TRIM5: variants seen among roughly 807,000 people sequenced by gnomAD.
TRIM5 encodes tripartite motif-containing protein 5.
In TRIM5, 31 loss-of-function variants were observed where a neutral mutation model predicts 35.6. That is an observed-to-expected ratio of 0.87 (90% CI 0.65 to 1.18). The LOEUF (loss-of-function observed/expected upper bound fraction) is 1.18. TRIM5 is among the 50% of genes most tolerant of loss of function. The probability of loss-of-function intolerance (pLI) is 0.00; values close to 1 mark genes in which losing one functional copy is unlikely to be tolerated. For synonymous variants in TRIM5, 243 were observed against 215.6 expected (o/e 1.13, Z -1.11); for missense variants, 609 against 591.6 (o/e 1.03, Z -0.31).
chr11:5,627,950 TAGG>T, the TRIM5 span, among the ~76,000 whole-genome samples: 16 of 152,310 alleles, frequency 1.1e-4, no homozygotes, highest in East Asian at 3.9e-4. Context: ...GTCCAGATGT[TAGG>T]AGAAGACTCA....
intron 4 of TRIM5, among the ~76,000 whole-genome samples, chr11:5,674,726 T>C (rs1344639563): frequency 2.0e-5 from 3 of 152,252 alleles, no homozygotes; most frequent in African/African-American, 7.2e-5. Context: ...TTGGAACAAC[T>C]GGATAGCCAT....
At chr11:5,635,032 G>C in the TRIM5 span, among the ~76,000 whole-genome samples, 6 of 152,018 alleles carry the variant, frequency 3.9e-5, no homozygotes, top group African/African-American at 1.5e-4. Flanking sequence ...TATGAAGTAA[G>C]GGAATACATT....
chr11:5,617,061 G>A, the TRIM5 span, among the ~76,000 whole-genome samples: 3 of 137,240 alleles, frequency 2.2e-5, no homozygotes, highest in African/African-American at 8.1e-5. Flanking sequence ...TTAAATAAAT[G>A]CAAGCTTAGG....
At chr11:5,626,014 T>C in the TRIM5 span, among the ~76,000 whole-genome samples, 15 of 152,238 alleles carry the variant, frequency 9.9e-5, no homozygotes, top group African/African-American at 3.4e-4. Context: ...TGCACCTTGA[T>C]TGATATGTTA....
At chr11:5,636,921 T>C in the TRIM5 span, among the ~76,000 whole-genome samples, 1 of 152,092 alleles carries the variant, frequency 6.6e-6, no homozygotes, top group Non-Finnish European at 1.5e-5. Flanking sequence ...CCGAGGTGGG[T>C]GGATCACGAG....
chr11:5,604,402 T>C, the TRIM5 span: 1 of 945,838 alleles, frequency 1.1e-6, no homozygotes, highest in Non-Finnish European at 1.5e-6. Flanking sequence ...TTGTTGGCCC[T>C]CTCAAGTTTT....
chr11:5,675,573 C>T (rs373811076), intron 4 of TRIM5, among the ~76,000 whole-genome samples: 4 of 151,848 alleles, frequency 2.6e-5, no homozygotes, highest in Admixed American at 2.0e-4. Context: ...AATCTCTGCC[C>T]GAAACACTGA....
rs55868421 is a variant in TRIM5, at chr11:5,667,718, A to G, written c.745-7T>C. ...TTATGACGCCATCCACACCCTAGGA[A>G]GAAGAGAGAAAACATCAATTAAGAA... On this transcript the variant is annotated splice_region_variant and splice_polypyrimidine_tract_variant and intron_variant, in intron 4 of 7. Transcript: ENST00000380034. 10,081 of 1,612,794 alleles carry G rather than the reference A, an allele frequency of 6.3e-3. 55 individuals carry two copies. Among genetic ancestry groups the G allele is most frequent in the East Asian group, 0.017 (739 of 44,758 alleles).
At chr11:5,596,834 T>C in the TRIM5 span, 1 of 1,613,422 alleles carries the variant, frequency 6.2e-7, no homozygotes, top group Non-Finnish European at 8.5e-7. Context: ...CTTGGATTGC[T>C]CTGAAGAGCT....
rs1852293208 is a variant in TRIM5, at chr11:5,679,875, T to C, written c.303A>G (p.Lys101=). The change falls in exon 2 of 8, where the codon AAA becomes AAG. Residue 101 remains lysine, a synonymous_variant. Coordinates refer to ENST00000380034, the MANE Select transcript of TRIM5 (RefSeq NM_033034.3). ...KVDHCARHGE[K]LLLFCQEDGK... ...CGTCCTCCTGACAGAAGAGTAGAAG[T>C]TTCTCTCCATGGCGTGCACAATGAT... The C allele has an allele frequency of 6.2e-7, 1 of 1,613,660 alleles. No homozygotes were observed. Among genetic ancestry groups the C allele is most frequent in the Non-Finnish European group, 8.5e-7 (1 of 1,179,962 alleles).
intron 2 of TRIM5, among the ~76,000 whole-genome samples, 178 bp downstream of exon 2, chr11:5,679,583 G>A (rs1357400017): frequency 4.6e-5 from 7 of 152,030 alleles, no homozygotes; most frequent in Non-Finnish European, 1.5e-5. Context: ...TTATTCTCCT[G>A]TAATTGGGTG....
the TRIM5 span, among the ~76,000 whole-genome samples, chr11:5,614,569 T>C: frequency 6.6e-6 from 1 of 152,208 alleles, no homozygotes; most frequent in East Asian, 1.9e-4. Context: ...CCCTAAGTAA[T>C]CCTTTTTCCC....
the TRIM5 span, among the ~76,000 whole-genome samples, chr11:5,635,638 T>C: frequency 6.6e-6 from 1 of 152,274 alleles, no homozygotes; most frequent in Non-Finnish European, 1.5e-5. Flanking sequence ...AGACAGACAG[T>C]GCTCTCCTTT....
the TRIM5 span, among the ~76,000 whole-genome samples, chr11:5,653,487 G>GT: frequency 4.8e-3 from 667 of 140,268 alleles, 5 homozygotes; most frequent in African/African-American, 0.016. Flanking sequence ...ATTTTTTTTT[G>GT]TTTTTTTTGT....
chr11:5,679,616 A>G, intron 2 of TRIM5, 145 bp downstream of exon 2: 1 of 845,876 alleles, frequency 1.2e-6, no homozygotes, highest in Non-Finnish European at 1.8e-6. Context: ...CCATCCTTAA[A>G]GCCTCAGAAG....
intron 4 of TRIM5, chr11:5,669,861 G>C: frequency 5.5e-6 from 1 of 182,090 alleles, no homozygotes; most frequent in South Asian, 7.1e-5. Context: ...TATAATCCCA[G>C]CTACTCAGGC....
At chr11:5,647,339 C>G in the TRIM5 span, among the ~76,000 whole-genome samples, 1 of 152,058 alleles carries the variant, frequency 6.6e-6, no homozygotes, top group African/African-American at 2.4e-5. Context: ...TGAGATGAAT[C>G]AATTGTTTAC....
At chr11:5,595,272 C>T in the TRIM5 span, 1 of 152,282 alleles carries the variant, frequency 6.6e-6, no homozygotes, top group South Asian at 2.1e-4. Flanking sequence ...CATTCTTTTT[C>T]TTCTCAGAGT....
At chr11:5,638,452 G>C in the TRIM5 span, among the ~76,000 whole-genome samples, 1 of 152,134 alleles carries the variant, frequency 6.6e-6, no homozygotes, top group East Asian at 1.9e-4. Context: ...TGCTAATACA[G>C]AGAGCAAAAC....
Sources: gnomAD v4.1 joint callset for allele counts (sites outside exome capture counted in the v4.1 genomes callset) on GRCh38, gnomAD v4.1.1 for gene constraint, MANE v1.5 for transcripts, NCBI Gene and HGNC (gene_info 2026-07-23, HGNC 2026-07-21) for gene names.